The following DST variants were observed in gnomAD, a reference collection of about 807,000 sequenced individuals.
DST encodes bullous pemphigoid antigen.
Under a neutral mutation model 875.2 loss-of-function variants are expected in DST, and 253 were observed. The observed-to-expected ratio is 0.29, with a 90% CI of 0.26 to 0.32. The LOEUF is 0.32. DST is among the 10% of genes least tolerant of loss of function. The pLI is 1.00. For missense variants in DST, 8,287 were observed against 9,111.6 expected (o/e 0.91, Z 3.68); for synonymous variants, 3,124 against 3,197.1 (o/e 0.98, Z 0.77).
chr6:56,796,454 AG>A (rs2099739949), intron 4 of DST, among the ~76,000 whole-genome samples: 1 of 152,202 alleles, frequency 6.6e-6, no homozygotes, highest in Non-Finnish European at 1.5e-5. Flanking sequence ...GGTGAGAGTG[AG>A]CTAAATGTTC....
intron 2 of DST, among the ~76,000 whole-genome samples, chr6:56,942,653 C>G (rs988006002): frequency 1.3e-5 from 2 of 151,542 alleles, no homozygotes; most frequent in African/African-American, 4.8e-5. Context: ...ATACACCCCA[C>G]AGGACAATGT....
At chr6:56,787,902 G>T (rs1392433485) in intron 4 of DST, among the ~76,000 whole-genome samples, 6 of 151,830 alleles carry the variant, frequency 4.0e-5, no homozygotes, top group Non-Finnish European at 8.8e-5. Flanking sequence ...ACTTTGGGAG[G>T]CCAAGGCGGG....
At chr6:56,517,107 G>C in intron 71 of DST, 91 bp downstream of exon 71, 1 of 899,936 alleles carries the variant, frequency 1.1e-6, no homozygotes, top group Non-Finnish European at 1.8e-6. Context: ...TGGCAGCTGT[G>C]GATAACGGAG....
intron 13 of DST, among the ~76,000 whole-genome samples, chr6:56,647,076 G>A (rs1035770456): frequency 1.3e-5 from 2 of 151,784 alleles, no homozygotes; most frequent in Non-Finnish European, 2.9e-5. Context: ...CTATAACTAA[G>A]AATCTACACT....
At chr6:56,581,406 A>G (rs1014473725) in intron 49 of DST, among the ~76,000 whole-genome samples, 1 of 152,208 alleles carries the variant, frequency 6.6e-6, no homozygotes, top group Non-Finnish European at 1.5e-5. Context: ...TTAAAGGAAG[A>G]GAGAAGTGGA....
Position 56,487,221 on chromosome 6 carries a change from C to T in DST, c.20930G>A (p.Arg6977Lys), listed in dbSNP as rs759532012. ...AKHSVYDTTN[R>K]TGRSLKEKTS... is the part of the protein sequence containing the mutation. Reference sequence around the variant, plus strand: ...TTTCTCCTTCAGAGAACGTCCAGTCCTGTTGGTGGTGTCGTAGACAGAATG... The same window carrying T: ...TTTCTCCTTCAGAGAACGTCCAGTCTTGTTGGTGGTGTCGTAGACAGAATG... The change falls in exon 87 of 104, where the codon AGG (arginine) becomes AAG (lysine). Residue 6977 changes from arginine (R) to lysine (K), a missense_variant. By Grantham distance (26) the Arg-to-Lys change is conservative. This residue lies in a region of DST where 1,292 missense variants were observed against 1,552.7 expected (regional missense o/e 0.83). Coordinates refer to ENST00000680361, the MANE Select transcript of DST (RefSeq NM_001374736.1). 6.2e-7 allele frequency: 1 copy of T among 1,613,018 alleles called. No individual in the cohort carries two copies. Among genetic ancestry groups the T allele is most frequent in the South Asian group, 1.1e-5 (1 of 90,844 alleles).
At chr6:56,517,355 C>T (rs750347625) in intron 70 of DST, 50 bp from the exon 71 acceptor site, 28 of 1,588,410 alleles carry the variant, frequency 1.8e-5, no homozygotes, top group Non-Finnish European at 2.4e-5. Context: ...AATTGTATGA[C>T]TAAAATGAAA....
chr6:56,709,763 G>T (rs1202045387), intron 5 of DST, among the ~76,000 whole-genome samples: 1 of 152,162 alleles, frequency 6.6e-6, no homozygotes, highest in African/African-American at 2.4e-5. Flanking sequence ...GCAAGAAATT[G>T]CAGTATAAAA....
intron 4 of DST, among the ~76,000 whole-genome samples, chr6:56,743,070 A>T (rs544468867): frequency 3.2e-4 from 49 of 152,314 alleles, no homozygotes; most frequent in African/African-American, 1.1e-3. Context: ...CTAATCTAAT[A>T]ATGCAGGAAA....
At chr6:56,747,057 G>A (rs1055533199) in intron 4 of DST, among the ~76,000 whole-genome samples, 1 of 152,120 alleles carries the variant, frequency 6.6e-6, no homozygotes, top group African/African-American at 2.4e-5. Flanking sequence ...AACAGTGAAG[G>A]CACAGGAGGT....
chr6:56,485,595 A>C (rs894454479), intron 87 of DST, 124 bp from the exon 88 acceptor site: 3 of 931,560 alleles, frequency 3.2e-6, no homozygotes, highest in Middle Eastern at 6.5e-4. Flanking sequence ...GTTGGTATTC[A>C]TTGTTGTTTC....
chr6:56,507,421 C>T (rs2096352954), intron 75 of DST, among the ~76,000 whole-genome samples: 1 of 152,190 alleles, frequency 6.6e-6, no homozygotes, highest in Admixed American at 6.5e-5. Flanking sequence ...AAGGGGCCCA[C>T]ACTACAGCAG....
intron 4 of DST, among the ~76,000 whole-genome samples, chr6:56,776,516 T>C (rs2099679540): frequency 6.6e-6 from 1 of 152,244 alleles, no homozygotes; most frequent in African/African-American, 2.4e-5. Context: ...ACACAGGGTG[T>C]TCAGGACCTA....
intron 4 of DST, among the ~76,000 whole-genome samples, chr6:56,758,026 G>C (rs116419253): frequency 2.6e-4 from 40 of 152,238 alleles, no homozygotes; most frequent in Middle Eastern, 6.8e-3. Context: ...AAATTTCCCA[G>C]GAAAGAAACA....
rs77781175 is a variant in DST, at chr6:56,643,553, G to A, written c.1779-1050C>T. On this transcript the variant is annotated intron_variant, in intron 15 of 103. Transcript: ENST00000680361. ...GATATTACATGGCATAAGAACACTG[G>A]CTCTTTCCCATTTGTTTTTCATACA... Among the ~76,000 whole-genome samples, 1,469 of 152,228 alleles carry A rather than the reference G, an allele frequency of 9.7e-3. 23 individuals are homozygous for A. The highest frequency in any genetic ancestry group is 0.033 in the African/African-American group (1,378 of 41,538).
At position 56,509,717 on chromosome 6, in the gene DST, A is replaced by G. The variant is rs748920460; in HGVS notation, c.18937T>C (p.Tyr6313His). ...SVDMEKLQPL[Y>H]ETLKQRGEEM... is the part of the protein sequence containing the mutation. ...TCTCCCCTCTGTTTAAGAGTTTCAT[A>G]CAACGGCTGTAGCTTTTCCATGTCT... Residue 6313 changes from tyrosine (Y) to histidine (H), a missense_variant, in exon 74 of 104, where the codon TAT becomes CAT. Tyr to His is a moderately conservative substitution (Grantham distance 83). This residue lies in a region of DST where 1,292 missense variants were observed against 1,552.7 expected (regional missense o/e 0.83). Coordinates refer to ENST00000680361, the MANE Select transcript of DST (RefSeq NM_001374736.1). 5 of 1,613,764 alleles carry G rather than the reference A, an allele frequency of 3.1e-6. No homozygotes were observed. Among genetic ancestry groups the G allele is most frequent in the Non-Finnish European group, 4.2e-6 (5 of 1,179,774 alleles).
chr6:56,591,833 G>A (rs1211949661), intron 49 of DST, among the ~76,000 whole-genome samples: 1 of 151,732 alleles, frequency 6.6e-6, no homozygotes, highest in Non-Finnish European at 1.5e-5. Context: ...ATTAGCGCCT[G>A]TAGTCCCAGC....
Position 56,605,171 on chromosome 6 carries a change from T to C in DST, c.9457A>G (p.Ile3153Val), listed in dbSNP as rs769362344. 9.3e-6 allele frequency: 15 copies of C among 1,612,320 alleles called. No homozygotes were observed. In the Admixed American group the frequency reaches 1.8e-4, roughly 20 times the overall value. ...TSVSKEISDDITSDITSWEGN... is the reference protein window; with the variant it reads ...TSVSKEISDDVTSDITSWEGN... ...TCCCACGATGTAATGTCTGAAGTAA[T>C]GTCATCACTAATCTCTTTGGAAACT... Residue 3153 changes from isoleucine to valine, a missense_variant, in exon 40 of 104, where the codon ATT becomes GTT. Ile to Val is a conservative substitution (Grantham distance 29). Transcript: ENST00000680361.
At chr6:56,821,394 C>G (rs901288704) in intron 4 of DST, among the ~76,000 whole-genome samples, 1 of 152,170 alleles carries the variant, frequency 6.6e-6, no homozygotes, top group Non-Finnish European at 1.5e-5. Flanking sequence ...TCAAGACTCA[C>G]CCTATGTGTT....
Sources: gnomAD v4.1 joint callset for allele counts (sites outside exome capture counted in the v4.1 genomes callset) on GRCh38, gnomAD v4.1.1 for gene constraint, gnomAD v4.1.1 regional missense constraint, MANE v1.5 for transcripts, NCBI Gene and HGNC (gene_info 2026-07-23, HGNC 2026-07-21) for gene names.